Variants in TTC21B observed in about 807,000 individuals in gnomAD.
The protein encoded by TTC21B is tetratricopeptide repeat domain 21B, also known as tetratricopeptide repeat protein 21B.
In TTC21B, 127 loss-of-function variants were observed where a neutral mutation model predicts 175.1. The observed-to-expected ratio is 0.73, with a 90% CI of 0.63 to 0.84. TTC21B has a LOEUF of 0.84. Ranked by LOEUF, TTC21B falls within the 40% of genes least tolerant of loss-of-function variation. The pLI is 0.00. For synonymous variants in TTC21B, 524 were observed against 524.5 expected, an observed-to-expected ratio of 1.00 and a Z score of 0.01; for missense variants, 1,561 against 1,558.3, an observed-to-expected ratio of 1.00 and a Z score of -0.03.
chr2:165,917,999 T>C (rs1438168622), intron 13 of TTC21B, among the ~76,000 whole-genome samples: 2 of 152,078 alleles, frequency 1.3e-5, no homozygotes, highest in African/African-American at 2.4e-5. Context: ...CAACAGTATA[T>C]ACAGAAAACA....
rs1434824420 is a variant in TTC21B, at chr2:165,892,700, C to G, written c.2951-1712G>C. Among the ~76,000 whole-genome samples, 5 of 152,212 alleles carry G rather than the reference C, an allele frequency of 3.3e-5. No individual in the cohort carries two copies. The East Asian group carries it at 5.8e-4, about 18-fold the overall frequency. On this transcript the variant is annotated intron_variant, in intron 22 of 28. Transcript: ENST00000243344. ...ACATAGAAAGTAGAATGATGGTTGC[C>G]AGGGGCTCCGGGAAGAGGAATGAGG...
intron 11 of TTC21B, among the ~76,000 whole-genome samples, chr2:165,927,282 ATATCCTAGTAG>A (rs1559064815): frequency 8.9e-5 from 9 of 101,070 alleles, no homozygotes; most frequent in Non-Finnish European, 1.3e-4. Flanking sequence ...ATATATATAT[ATATCCTAGTAG>A]TTATATATAT....
intron 6 of TTC21B, among the ~76,000 whole-genome samples, chr2:165,937,449 G>T (rs943051557): frequency 2.6e-5 from 4 of 152,040 alleles, no homozygotes; most frequent in Non-Finnish European, 5.9e-5. Flanking sequence ...GACTTTGGGC[G>T]CCTATAGTGT....
Position 165,931,830 on chromosome 2 carries a change from T to G in TTC21B, c.822A>C (p.Gly274=). The G allele has an allele frequency of 1.2e-6, 2 of 1,613,448 alleles. No individual in the cohort carries two copies. Among genetic ancestry groups the G allele is most frequent in the Non-Finnish European group, 1.7e-6 (2 of 1,179,486 alleles). The part of the protein sequence containing the change: ...EKASTKLENL[G]NTLDAMEPQN... ...GTGGTTCCATGGCATCCAATGTATT[T>G]CCCAAGTTTTCCAGCTTGGTGGAAG... is the stretch of plus-strand genomic sequence containing the variant. Residue 274 remains glycine (G), a synonymous_variant, in exon 8 of 29, where the codon GGA becomes GGC. Transcript: ENST00000243344.
At chr2:165,886,550 CATT>C (rs1447329250) in intron 25 of TTC21B, among the ~76,000 whole-genome samples, 2 of 152,002 alleles carry the variant, frequency 1.3e-5, no homozygotes. Context: ...GCTCATATAT[CATT>C]GTCTTTTGAA....
intron 26 of TTC21B, among the ~76,000 whole-genome samples, chr2:165,882,916 C>A (rs1404648171): frequency 6.6e-6 from 1 of 151,916 alleles, no homozygotes; most frequent in African/African-American, 2.4e-5. Context: ...CTTTTCAAAG[C>A]CAATTTAACA....
chr2:165,921,053 G>A (rs1686386866), intron 12 of TTC21B, among the ~76,000 whole-genome samples: 1 of 152,086 alleles, frequency 6.6e-6, no homozygotes, highest in Non-Finnish European at 1.5e-5. Context: ...GGATTTCTGT[G>A]TTATTCATTA....
chr2:165,949,133 A>G (rs1687681313), intron 3 of TTC21B: 3 of 461,780 alleles, frequency 6.5e-6, no homozygotes, highest in African/African-American at 5.9e-5. Flanking sequence ...TTACTAATAT[A>G]CATTCCCTTT....
intron 3 of TTC21B, chr2:165,948,059 G>A (rs554283640): frequency 1.3e-5 from 2 of 152,288 alleles, no homozygotes; most frequent in African/African-American, 4.8e-5. Context: ...ACTGGAGTAC[G>A]GAGAAAGGGG....
At chr2:165,942,581 C>T (rs966817756) in intron 5 of TTC21B, among the ~76,000 whole-genome samples, 1 of 152,166 alleles carries the variant, frequency 6.6e-6, no homozygotes, top group African/African-American at 2.4e-5. Flanking sequence ...CACTTCTGTT[C>T]TCTTTACTCA....
At chr2:165,877,224 A>G (rs1015196314) in intron 27 of TTC21B, among the ~76,000 whole-genome samples, 1 of 152,242 alleles carries the variant, frequency 6.6e-6, no homozygotes, top group Non-Finnish European at 1.5e-5. Flanking sequence ...AGAAGTGTAA[A>G]TAGTGCTCTT....
rs1559080772 is a variant in TTC21B at position 165,953,642 on chromosome 2, C to CGCCT, written c.21+42_21+43insAGGC. Reference sequence around the variant, plus strand: ...GGGCCAAAAGGCCGCAAAGGAACTCCGCCCGCCCGCCCGCTCACCCGCTCA... The same window carrying CGCCT: ...GGGCCAAAAGGCCGCAAAGGAACTCCGCCTGCCCGCCCGCCCGCTCACCCGCTCA... On this transcript the variant is annotated intron_variant, in intron 1 of 28. Coordinates refer to ENST00000243344, the MANE Select transcript of TTC21B (RefSeq NM_024753.5). 3 of 1,491,266 alleles carry CGCCT rather than the reference C, an allele frequency of 2.0e-6. No homozygotes were observed. In the East Asian group the frequency reaches 7.7e-5, roughly 38 times the overall value. 92.4% of individuals were successfully genotyped at this position (1,491,266 alleles called of 1,614,324 possible). A position where few individuals can be genotyped will look rare whatever the true frequency, so the allele number is the denominator to read the frequency against.
chr2:165,900,797 A>C (rs1338582935), intron 20 of TTC21B, among the ~76,000 whole-genome samples: 1 of 152,090 alleles, frequency 6.6e-6, no homozygotes, highest in Non-Finnish European at 1.5e-5. Context: ...AAATTATTTA[A>C]ATTATTTTGA....
intron 1 of TTC21B, 63 bp downstream of exon 1, chr2:165,953,622 A>C: frequency 6.6e-7 from 1 of 1,519,914 alleles, no homozygotes; most frequent in South Asian, 1.2e-5. Flanking sequence ...CCCCCGGGCC[A>C]AAAGGCCGCA....
At chr2:165,894,267 G>A (rs900613526) in intron 22 of TTC21B, among the ~76,000 whole-genome samples, 1 of 152,100 alleles carries the variant, frequency 6.6e-6, no homozygotes, top group Non-Finnish European at 1.5e-5. Flanking sequence ...GAGAAAAGGG[G>A]CAATCTGTCG....
chr2:165,915,177 T>C (rs374065148), intron 15 of TTC21B, 24 bp downstream of exon 15: 4 of 1,583,470 alleles, frequency 2.5e-6, no homozygotes, highest in African/African-American at 2.7e-5. Flanking sequence ...TATCAAAATA[T>C]AATGGGTTAA....
intron 1 of TTC21B, among the ~76,000 whole-genome samples, chr2:165,952,006 TC>T (rs1559080018): frequency 6.6e-6 from 1 of 152,176 alleles, no homozygotes; most frequent in Non-Finnish European, 1.5e-5. Context: ...TACACGCTCT[TC>T]CTATTTCCTT....
At chr2:165,895,656 A>C (rs1355477903) in intron 22 of TTC21B, among the ~76,000 whole-genome samples, 1 of 152,098 alleles carries the variant, frequency 6.6e-6, no homozygotes, top group East Asian at 1.9e-4. Flanking sequence ...AATGGCAGGG[A>C]AAAAAACGAT....
chr2:165,879,312 T>C (rs545728806), intron 27 of TTC21B, among the ~76,000 whole-genome samples: 11 of 152,258 alleles, frequency 7.2e-5, no homozygotes, highest in Non-Finnish European at 1.5e-4. Context: ...ATTTTAAGGA[T>C]ATTTAAGGAC....
Sources: gnomAD v4.1 joint callset for allele counts (sites outside exome capture counted in the v4.1 genomes callset) on GRCh38, gnomAD v4.1.1 for gene constraint, MANE v1.5 for transcripts, NCBI Gene and HGNC (gene_info 2026-07-23, HGNC 2026-07-21) for gene names.